Variants in LSAMP observed in about 807,000 individuals in gnomAD.
LSAMP encodes limbic system-associated membrane protein.
LSAMP carries 7 observed loss-of-function variants against 38.6 expected under a neutral mutation model. The ratio of observed to expected loss-of-function variants is 0.18; its 90% CI spans 0.10 to 0.34. The LOEUF (loss-of-function observed/expected upper bound fraction) is 0.34, where lower values mean the gene tolerates loss of function less well. Ranked by LOEUF, LSAMP falls within the 10% of genes least tolerant of loss-of-function variation. LSAMP has a pLI of 1.00. For missense variants in LSAMP, 313 were observed against 420.0 expected (o/e 0.75, Z 2.23); for synonymous variants, 154 against 166.8 (o/e 0.92, Z 0.59).
chr3:116,441,971 T>A (rs2049441769), intron 1 of LSAMP, among the ~76,000 whole-genome samples: 1 of 152,190 alleles, frequency 6.6e-6, no homozygotes, highest in Admixed American at 6.5e-5. Flanking sequence ...TGTAATCTCC[T>A]CTAGAAAATA....
At chr3:116,288,211 T>C (rs929443305) in intron 1 of LSAMP, among the ~76,000 whole-genome samples, 1 of 152,194 alleles carries the variant, frequency 6.6e-6, no homozygotes, top group Non-Finnish European at 1.5e-5. Flanking sequence ...GTGGCACTCA[T>C]GCTCTCTTTG....
At chr3:116,163,320 G>A (rs1709946894) in intron 1 of LSAMP, among the ~76,000 whole-genome samples, 1 of 148,646 alleles carries the variant, frequency 6.7e-6, no homozygotes, top group Admixed American at 6.9e-5. Flanking sequence ...GTGAGAACAT[G>A]TGGTGTTTGG....
intron 3 of LSAMP, among the ~76,000 whole-genome samples, chr3:115,870,034 T>C (rs1360991133): frequency 6.6e-6 from 1 of 152,058 alleles, no homozygotes; most frequent in Non-Finnish European, 1.5e-5. Context: ...AGTTAAAAAA[T>C]TAAAATAATA....
intron 3 of LSAMP, among the ~76,000 whole-genome samples, chr3:115,974,937 G>T (rs555865950): frequency 9.2e-5 from 14 of 152,262 alleles, no homozygotes; most frequent in African/African-American, 3.4e-4. Flanking sequence ...GCCAAGAGGG[G>T]ATCTGTTCAG....
chr3:116,183,313 T>TG (rs1710532183), intron 1 of LSAMP, among the ~76,000 whole-genome samples: 1 of 151,890 alleles, frequency 6.6e-6, no homozygotes, highest in Non-Finnish European at 1.5e-5. Context: ...TCATCATGAT[T>TG]GCATGCTTAT....
intron 1 of LSAMP, among the ~76,000 whole-genome samples, chr3:116,385,298 T>A (rs2048611355): frequency 6.6e-6 from 1 of 152,202 alleles, no homozygotes; most frequent in South Asian, 2.1e-4. Context: ...GTTAAAATCC[T>A]TTAATTCTCA....
intron 1 of LSAMP, among the ~76,000 whole-genome samples, chr3:116,119,033 T>C (rs1708815224): frequency 6.6e-6 from 1 of 152,124 alleles, no homozygotes; most frequent in Non-Finnish European, 1.5e-5. Flanking sequence ...TATAGCAAAA[T>C]GTTTAGTAAT....
chr3:116,256,271 A>T (rs978842404), intron 1 of LSAMP, among the ~76,000 whole-genome samples: 4 of 152,188 alleles, frequency 2.6e-5, no homozygotes. Context: ...CCTCTAGTGC[A>T]TTTAAAACCT....
At chr3:116,198,087 A>T (rs2045930617) in intron 1 of LSAMP, among the ~76,000 whole-genome samples, 1 of 152,198 alleles carries the variant, frequency 6.6e-6, no homozygotes. Flanking sequence ...GGAATAAAAA[A>T]ATGAGGAAAG....
chr3:116,168,156 A>G (rs1265722795), intron 1 of LSAMP, among the ~76,000 whole-genome samples: 2 of 152,254 alleles, frequency 1.3e-5, no homozygotes, highest in Non-Finnish European at 2.9e-5. Flanking sequence ...TAAATAATAC[A>G]AAGAACTCCA....
At chr3:116,319,777 T>C (rs1196552465) in intron 1 of LSAMP, among the ~76,000 whole-genome samples, 1 of 150,886 alleles carries the variant, frequency 6.6e-6, no homozygotes, top group Non-Finnish European at 1.5e-5. Flanking sequence ...GCGCTTGTAA[T>C]CCTCTAGACT....
At chr3:115,903,853 GTAC>G (rs1180798294) in intron 3 of LSAMP, among the ~76,000 whole-genome samples, 1 of 152,004 alleles carries the variant, frequency 6.6e-6, no homozygotes, top group East Asian at 1.9e-4. Flanking sequence ...TATTTAAATG[GTAC>G]TTAATATTTA....
chr3:115,889,169 G>C (rs1222732397), intron 3 of LSAMP, among the ~76,000 whole-genome samples: 1 of 151,986 alleles, frequency 6.6e-6, no homozygotes, highest in Non-Finnish European at 1.5e-5. Flanking sequence ...AGGTGAGCCT[G>C]AAGATGGGCA....
chr3:115,815,262 A>G (rs1201643851), intron 6 of LSAMP, among the ~76,000 whole-genome samples: 1 of 152,180 alleles, frequency 6.6e-6, no homozygotes, highest in Non-Finnish European at 1.5e-5. Flanking sequence ...ATTAAACTTC[A>G]TCATACGTAT....
chr3:115,876,156 T>A (rs1224382597), intron 3 of LSAMP, among the ~76,000 whole-genome samples: 1 of 151,948 alleles, frequency 6.6e-6, no homozygotes, highest in African/African-American at 2.4e-5. Context: ...TTCAGATATT[T>A]TGCATGAATT....
At chr3:116,303,156 A>T (rs543338415) in intron 1 of LSAMP, among the ~76,000 whole-genome samples, 1 of 152,334 alleles carries the variant, frequency 6.6e-6, no homozygotes, top group South Asian at 2.1e-4. Context: ...TCATCAGCAA[A>T]GAGGGTAAAT....
intron 3 of LSAMP, among the ~76,000 whole-genome samples, chr3:115,915,134 A>T (rs1937223201): frequency 1.3e-5 from 2 of 152,308 alleles, no homozygotes; most frequent in South Asian, 2.1e-4. Context: ...AAATTGGGGC[A>T]CCTGGGATTT....
At chr3:116,090,616 T>G (rs1405989875) in intron 1 of LSAMP, among the ~76,000 whole-genome samples, 1 of 152,262 alleles carries the variant, frequency 6.6e-6, no homozygotes, top group Non-Finnish European at 1.5e-5. Context: ...ACGTAGGTTC[T>G]TTTCTATTTT....
chr3:116,131,511 A>C (rs1709133610), intron 1 of LSAMP, among the ~76,000 whole-genome samples: 1 of 151,994 alleles, frequency 6.6e-6, no homozygotes, highest in Non-Finnish European at 1.5e-5. Flanking sequence ...AGGGACTTAA[A>C]GCCCAGAAGA....
Sources: gnomAD v4.1 joint callset for allele counts (sites outside exome capture counted in the v4.1 genomes callset) on GRCh38, gnomAD v4.1.1 for gene constraint, MANE v1.5 for transcripts, NCBI Gene and HGNC (gene_info 2026-07-23, HGNC 2026-07-21) for gene names.